Variants in CRYBG1 observed in about 807,000 individuals in gnomAD.
CRYBG1 encodes the protein crystallin beta-gamma domain containing 1.
CRYBG1 carries 139 observed loss-of-function variants against 189.2 expected under a neutral mutation model. The ratio of observed to expected loss-of-function variants is 0.73; its 90% confidence interval spans 0.64 to 0.85. The LOEUF (loss-of-function observed/expected upper bound fraction) is 0.85, where lower values mean the gene tolerates loss of function less well. CRYBG1 is among the 40% of genes least tolerant of loss of function. The pLI, the probability that CRYBG1 is intolerant of heterozygous loss-of-function variation, is 0.00. For synonymous variants in CRYBG1, 1,023 were observed against 1,017.1 expected, an observed-to-expected ratio of 1.01 and a Z score of -0.11; for missense variants, 2,611 against 2,675.8, an observed-to-expected ratio of 0.98 and a Z score of 0.53.
intron 8 of CRYBG1, among the ~76,000 whole-genome samples, chr6:106,533,226 G>A (rs184945480): frequency 1.3e-5 from 2 of 152,328 alleles, no homozygotes; most frequent in East Asian, 3.9e-4. Flanking sequence ...TGAGGGAAGA[G>A]GGGCAGGGAG....
At chr6:106,452,887 G>C (rs1771812737) in intron 2 of CRYBG1, among the ~76,000 whole-genome samples, 1 of 152,146 alleles carries the variant, frequency 6.6e-6, no homozygotes, top group Non-Finnish European at 1.5e-5. Context: ...TTAGCTGCCA[G>C]GCCTGAAGGT....
intron 2 of CRYBG1, among the ~76,000 whole-genome samples, chr6:106,484,788 C>T (rs1772562217): frequency 6.6e-6 from 1 of 151,896 alleles, no homozygotes; most frequent in Non-Finnish European, 1.5e-5. Flanking sequence ...GAGTTTGAGT[C>T]CAGCCTAGGC....
intron 1 of CRYBG1, among the ~76,000 whole-genome samples, chr6:106,422,344 A>ATTTATTTATT (rs57640822): frequency 7.1e-6 from 1 of 139,928 alleles, no homozygotes; most frequent in African/African-American, 2.7e-5. Flanking sequence ...TTATTTATTT[A>ATTTATTTATT]TTTTTGAGAC....
intron 21 of CRYBG1, among the ~76,000 whole-genome samples, chr6:106,566,172 A>G (rs1774881288): frequency 6.6e-6 from 1 of 151,502 alleles, no homozygotes; most frequent in Non-Finnish European, 1.5e-5. Context: ...AGCGTGAAAA[A>G]AAAAAAAAAA....
intron 1 of CRYBG1, among the ~76,000 whole-genome samples, chr6:106,395,794 C>T (rs189906897): frequency 8.6e-5 from 13 of 150,434 alleles, no homozygotes; most frequent in South Asian, 2.1e-4. Context: ...ATTCAGACCC[C>T]ATATACATAT....
chr6:106,441,144 A>G (rs1221187930), intron 1 of CRYBG1, among the ~76,000 whole-genome samples: 3 of 152,170 alleles, frequency 2.0e-5, no homozygotes, highest in South Asian at 4.1e-4. Flanking sequence ...AAACCCAAGC[A>G]AAGACATATA....
Position 106,520,081 on chromosome 6 carries a change from G to C in CRYBG1, c.2873G>C (p.Arg958Thr). Residue 958 changes from arginine (R) to threonine (T), a missense_variant, in exon 4 of 22, where the codon AGG becomes ACG. Around this residue, in one of 3 missense-constraint regions of CRYBG1, gnomAD observed 1,622 missense variants for 1,735.0 expected, o/e 0.93. Transcript: ENST00000633556. The part of the protein sequence containing the change: ...ECPSRVLVQV[R>T]SFVLPVESTQ... ...CCATCCAGAGTCCTCGTCCAGGTCA[G>C]GTCCTTCGTGCTCCCCGTGGAGAGC... 1 of 1,614,158 alleles carries C rather than the reference G, an allele frequency of 6.2e-7. No homozygotes were observed. The highest frequency in any genetic ancestry group is 1.1e-5 in the South Asian group (1 of 91,080).
At chr6:106,380,416 A>G (rs1770262629) in intron 1 of CRYBG1, among the ~76,000 whole-genome samples, 1 of 152,162 alleles carries the variant, frequency 6.6e-6, no homozygotes, top group South Asian at 2.1e-4. Context: ...CTGAGGCATC[A>G]CAGCTTGGTG....
At chr6:106,542,223 A>G (rs1291223367) in intron 10 of CRYBG1, among the ~76,000 whole-genome samples, 1 of 122,568 alleles carries the variant, frequency 8.2e-6, no homozygotes, top group Non-Finnish European at 1.7e-5. Context: ...ACATTAGGGA[A>G]AAAAAAAAGC....
chr6:106,491,793 C>A (rs982921683), intron 2 of CRYBG1, among the ~76,000 whole-genome samples: 1 of 152,188 alleles, frequency 6.6e-6, no homozygotes, highest in Non-Finnish European at 1.5e-5. Flanking sequence ...CATGTCGCCT[C>A]CCCGCTCAGA....
intron 2 of CRYBG1, among the ~76,000 whole-genome samples, chr6:106,481,778 G>A (rs1227983806): frequency 6.6e-6 from 1 of 152,198 alleles, no homozygotes; most frequent in Admixed American, 6.5e-5. Flanking sequence ...CTATCCCTCA[G>A]GCCCATCAGG....
At chr6:106,411,716 C>T (rs994702497) in intron 1 of CRYBG1, among the ~76,000 whole-genome samples, 1 of 152,120 alleles carries the variant, frequency 6.6e-6, no homozygotes, top group African/African-American at 2.4e-5. Flanking sequence ...GGTAGTGGCT[C>T]CGTCCAATCT....
chr6:106,474,728 G>A (rs1427084665), intron 2 of CRYBG1, among the ~76,000 whole-genome samples: 2 of 152,176 alleles, frequency 1.3e-5, no homozygotes, highest in Admixed American at 6.5e-5. Flanking sequence ...AAGCTGAGTT[G>A]TCCATGGGCA....
chr6:106,378,378 G>A (rs1162801988), intron 1 of CRYBG1, among the ~76,000 whole-genome samples: 1 of 152,242 alleles, frequency 6.6e-6, no homozygotes, highest in African/African-American at 2.4e-5. Flanking sequence ...CAAGGTGGAA[G>A]TGTGGGGCCT....
chr6:106,525,430 T>C, intron 6 of CRYBG1, 44 bp downstream of exon 6: 1 of 1,484,826 alleles, frequency 6.7e-7, no homozygotes, highest in East Asian at 2.3e-5. Flanking sequence ...TGTTTGAGTT[T>C]TACATACTTA....
At chr6:106,371,861 T>C (rs1770044344) in intron 1 of CRYBG1, among the ~76,000 whole-genome samples, 1 of 152,252 alleles carries the variant, frequency 6.6e-6, no homozygotes, top group Non-Finnish European at 1.5e-5. Context: ...GAAGTCTTAG[T>C]AGCTAGGTGC....
intron 1 of CRYBG1, among the ~76,000 whole-genome samples, chr6:106,401,330 A>C (rs1582742304): frequency 6.7e-6 from 1 of 149,122 alleles, no homozygotes. Flanking sequence ...GATTCTGAGA[A>C]TTTCTCGTCA....
In CRYBG1 at chr6:106,458,565, A is replaced by T. The variant is rs188994156; in HGVS notation, c.312+6733A>T. 7.1e-3 allele frequency among the ~76,000 whole-genome samples: 1,077 copies of T among 152,170 alleles called. 8 individuals carry two copies. The highest frequency in any genetic ancestry group is 0.01 in the Non-Finnish European group (702 of 67,998). ...TGTATGACTGGAACATTATTTATAA[A>T]TTTTTTTTCATGAATGAAATGCATA... On this transcript the variant is annotated intron_variant, in intron 2 of 21. Coordinates refer to ENST00000633556, the MANE Select transcript of CRYBG1 (RefSeq NM_001371242.2).
At chr6:106,565,129 C>G (rs575742744) in intron 21 of CRYBG1, among the ~76,000 whole-genome samples, 2 of 152,118 alleles carry the variant, frequency 1.3e-5, no homozygotes, top group East Asian at 3.9e-4. Flanking sequence ...ACCATCCTGG[C>G]TAACATGGTG....
Sources: allele counts gnomAD v4.1 joint callset (sites outside exome capture counted in the v4.1 genomes callset), GRCh38; gene constraint gnomAD v4.1.1; regional missense constraint gnomAD v4.1.1; transcripts MANE v1.5; gene names NCBI Gene and HGNC (gene_info 2026-07-23, HGNC 2026-07-21).